XRN2: variants seen among roughly 807,000 people sequenced by gnomAD.
The protein encoded by XRN2 is 5'-3' exoribonuclease 2, also known as DHM1-like protein.
Under a neutral mutation model 138.5 loss-of-function variants are expected in XRN2, and 44 were observed. That is an observed-to-expected ratio of 0.32 (90% CI 0.25 to 0.41). XRN2 has a LOEUF of 0.41. XRN2 is among the 10% of genes least tolerant of loss of function. The pLI is 1.00. For missense variants in XRN2, 937 were observed against 1,169.3 expected (o/e 0.80, Z 2.90); for synonymous variants, 354 against 369.4 (o/e 0.96, Z 0.48).
chr20:21,383,166 A>G (rs529107672), intron 28 of XRN2, among the ~76,000 whole-genome samples: 30 of 152,348 alleles, frequency 2.0e-4, no homozygotes, highest in African/African-American at 7.2e-4. Context: ...AAGTCTCATT[A>G]AATGCAATAC....
intron 15 of XRN2, among the ~76,000 whole-genome samples, chr20:21,341,974 C>T (rs1322158273): frequency 6.6e-6 from 1 of 151,988 alleles, no homozygotes; most frequent in Non-Finnish European, 1.5e-5. Context: ...GACTGTAGAT[C>T]GATAACATCT....
In XRN2 at chr20:21,330,467, C is replaced by T. The variant is rs759105863; in HGVS notation, c.428-14C>T. On this transcript the variant is annotated splice_polypyrimidine_tract_variant and intron_variant, in intron 4 of 29. Coordinates refer to ENST00000377191, the MANE Select transcript of XRN2 (RefSeq NM_012255.5). ...TTTTTATGGGGAGAACAAAACGTTG[C>T]CTCTTTTCTCTAGGTGGCTTTCTTC... 6.2e-7 allele frequency: 1 copy of T among 1,612,380 alleles called. No homozygotes were observed. Among genetic ancestry groups the T allele is most frequent in the African/African-American group, 1.3e-5 (1 of 74,778 alleles).
intron 15 of XRN2, among the ~76,000 whole-genome samples, chr20:21,343,233 G>C (rs2038394414): frequency 6.6e-6 from 1 of 151,880 alleles, no homozygotes; most frequent in Non-Finnish European, 1.5e-5. Flanking sequence ...TTGGTGATGT[G>C]GTCCTTTAGC....
chr20:21,336,241 C>T (rs1488192531), intron 13 of XRN2, among the ~76,000 whole-genome samples: 1 of 152,188 alleles, frequency 6.6e-6, no homozygotes, highest in African/African-American at 2.4e-5. Flanking sequence ...GGGCAGATCA[C>T]CTGAGGTTAG....
At chr20:21,349,488 A>G (rs1365995198) in intron 20 of XRN2, 27 bp downstream of exon 20, 1 of 1,457,996 alleles carries the variant, frequency 6.9e-7, no homozygotes, top group South Asian at 1.2e-5. Context: ...CTTTTCTGGT[A>G]AAACTGTGAA....
chr20:21,330,059 G>A (rs1051880530), intron 4 of XRN2, among the ~76,000 whole-genome samples: 1 of 152,148 alleles, frequency 6.6e-6, no homozygotes, highest in Non-Finnish European at 1.5e-5. Context: ...GAGGACGGCA[G>A]ATGACTGGAG....
chr20:21,347,490 T>C (rs2038450573), intron 17 of XRN2, among the ~76,000 whole-genome samples: 1 of 152,232 alleles, frequency 6.6e-6, no homozygotes, highest in East Asian at 1.9e-4. Context: ...AGTAACACAG[T>C]GCACTGAGTA....
intron 1 of XRN2, among the ~76,000 whole-genome samples, chr20:21,315,361 G>A (rs1389648255): frequency 6.6e-6 from 1 of 152,216 alleles, no homozygotes; most frequent in African/African-American, 2.4e-5. Flanking sequence ...ATTCTAGTGG[G>A]TGTGTGACGT....
At position 21,303,682 on chromosome 20, in the gene XRN2, C is replaced by T. The variant is rs906115165; in HGVS notation, c.75+209C>T. 5 of 1,322,106 alleles carry T rather than the reference C, an allele frequency of 3.8e-6. No individual in the cohort carries two copies. The African/African-American group carries it at 7.8e-5, about 21-fold the overall frequency. 81.9% of individuals were successfully genotyped at this position (1,322,106 alleles called of 1,614,324 possible). ...GGGGCGAGGAATTCAGGACCCTCGG[C>T]GGGGCAAGGGCCTATAGGGTTCCGA... On this transcript the variant is annotated intron_variant, in intron 1 of 29. Transcript: ENST00000377191.
chr20:21,355,777 A>G (rs1200273523), intron 21 of XRN2, among the ~76,000 whole-genome samples: 11 of 152,150 alleles, frequency 7.2e-5, no homozygotes, highest in Admixed American at 7.2e-4. Flanking sequence ...CCTATATACA[A>G]TATGTGATCA....
chr20:21,335,289 T>G (rs1315388596), intron 13 of XRN2, among the ~76,000 whole-genome samples: 3 of 152,184 alleles, frequency 2.0e-5, no homozygotes, highest in Non-Finnish European at 4.4e-5. Flanking sequence ...AAGCAGGTAA[T>G]AGCTTCTTAG....
At chr20:21,383,286 A>G (rs1185498535) in intron 28 of XRN2, among the ~76,000 whole-genome samples, 1 of 152,226 alleles carries the variant, frequency 6.6e-6, no homozygotes, top group East Asian at 1.9e-4. Flanking sequence ...GAAATTAAGT[A>G]AGTAAGGGGT....
rs766415231 is a variant in XRN2 at position 21,348,252 on chromosome 20, C to T, written c.1772C>T (p.Pro591Leu). 1.2e-6 allele frequency: 2 copies of T among 1,613,344 alleles called. No individual in the cohort carries two copies. Among genetic ancestry groups the T allele is most frequent in the South Asian group, 1.1e-5 (1 of 90,856 alleles). Reference protein sequence around the residue: ...MPSDFEKGTKPFKPLEQLMGV... With the variant: ...MPSDFEKGTKLFKPLEQLMGV... ...TCTGATTTTGAGAAGGGTACGAAAC[C>T]GGTAAGCTTAATTACTTAAAGTCAT... Residue 591 changes from proline (P) to leucine (L), a missense_variant and splice_region_variant, in exon 18 of 30, where the codon CCG becomes CTG. By Grantham distance (98) the Pro-to-Leu change is moderately conservative (BLOSUM62 -3). Around this residue, in one of 6 missense-constraint regions of XRN2, gnomAD observed 471 missense variants for 581.2 expected, o/e 0.81. Transcript: ENST00000377191.
chr20:21,360,225 A>G (rs758962420), intron 24 of XRN2, among the ~76,000 whole-genome samples: 36 of 152,152 alleles, frequency 2.4e-4, no homozygotes, highest in Non-Finnish European at 4.6e-4. Flanking sequence ...GCACCTTGGC[A>G]GGGCCCTGGC....
At chr20:21,370,217 T>C (rs995360824) in intron 27 of XRN2, among the ~76,000 whole-genome samples, 5 of 152,206 alleles carry the variant, frequency 3.3e-5, no homozygotes, top group South Asian at 2.1e-4. Flanking sequence ...TGGTCTGTTA[T>C]CTGTTTTGAT....
chr20:21,331,557 A>G lies in XRN2; in HGVS notation c.577-4A>G, dbSNP rs751810955. The stretch of plus-strand genomic sequence containing the variant: ...ATCTGAAAGTGTTAACAATTTTTTT[A>G]TAGGTTATTTTATCTGATGCTAGTG... On this transcript the variant is annotated splice_polypyrimidine_tract_variant and splice_region_variant and intron_variant, in intron 6 of 29. Transcript: ENST00000377191. The G allele has an allele frequency of 5.0e-6, 8 of 1,607,484 alleles. No homozygotes were observed. Among genetic ancestry groups the G allele is most frequent in the Admixed American group, 1.7e-5 (1 of 59,044 alleles).
chr20:21,356,520 A>C, intron 22 of XRN2, 66 bp from the exon 23 acceptor site: 2 of 1,461,770 alleles, frequency 1.4e-6, no homozygotes, highest in East Asian at 4.6e-5. Context: ...ATGAACACTC[A>C]AGAATCTGCT....
chr20:21,330,477 C>G lies in XRN2; in HGVS notation c.428-4C>G. On this transcript the variant is annotated splice_polypyrimidine_tract_variant and splice_region_variant and intron_variant, in intron 4 of 29. Coordinates refer to ENST00000377191, the MANE Select transcript of XRN2 (RefSeq NM_012255.5). Reference sequence around the variant, plus strand: ...GAGAACAAAACGTTGCCTCTTTTCTCTAGGTGGCTTTCTTCCTCCAGAAGA... The same window carrying G: ...GAGAACAAAACGTTGCCTCTTTTCTGTAGGTGGCTTTCTTCCTCCAGAAGA... The G allele has an allele frequency of 1.2e-6, 2 of 1,613,236 alleles. No individual in the cohort carries two copies.
intron 1 of XRN2, among the ~76,000 whole-genome samples, chr20:21,320,770 A>G (rs990589524): frequency 3.3e-5 from 5 of 151,916 alleles, no homozygotes; most frequent in African/African-American, 1.2e-4. Context: ...AATTTTTTGT[A>G]TTTTTAGTAG....
Sources: allele counts gnomAD v4.1 joint callset (sites outside exome capture counted in the v4.1 genomes callset), GRCh38; gene constraint gnomAD v4.1.1; regional missense constraint gnomAD v4.1.1; transcripts MANE v1.5; gene names NCBI Gene and HGNC (gene_info 2026-07-23, HGNC 2026-07-21).